CFAP251: variants seen among roughly 807,000 people sequenced by gnomAD.
CFAP251 encodes the protein cilia- and flagella-associated protein 251.
In CFAP251, 93 loss-of-function variants were observed where a neutral mutation model predicts 126.7. The ratio of observed to expected loss-of-function variants is 0.73; its 90% CI spans 0.62 to 0.87. The LOEUF (loss-of-function observed/expected upper bound fraction) is 0.87, where lower values mean the gene tolerates loss of function less well. CFAP251 is among the 40% of genes least tolerant of loss of function. The pLI is 0.00. For missense variants in CFAP251, 1,287 were observed against 1,389.2 expected (o/e 0.93, Z 1.17); for synonymous variants, 503 against 506.9 (o/e 0.99, Z 0.10).
intron 19 of CFAP251, among the ~76,000 whole-genome samples, chr12:121,978,132 C>T (rs886197850): frequency 2.2e-4 from 34 of 151,318 alleles, no homozygotes; most frequent in African/African-American, 8.2e-4. Context: ...GTGGCTCACG[C>T]CTGTAATCCC....
chr12:121,918,777 T>A lies in CFAP251; in HGVS notation c.-21+82T>A, dbSNP rs1043669840. Reference sequence around the variant, plus strand: ...CCGACCTGGCGGGGTCTGGTGCCCCTTGGGGGGCGCTCACCCGACCTGGCC... The same window carrying A: ...CCGACCTGGCGGGGTCTGGTGCCCCATGGGGGGCGCTCACCCGACCTGGCC... On this transcript the variant is annotated intron_variant, in intron 1 of 21. Coordinates refer to ENST00000288912, the MANE Select transcript of CFAP251 (RefSeq NM_144668.6). The surrounding 1 kb of genome is among the most constrained non-coding windows in gnomAD (Gnocchi z 4.3). 1.3e-5 allele frequency: 2 copies of A among 152,296 alleles called. No individual in the cohort carries two copies. The highest frequency in any genetic ancestry group is 2.4e-5 in the African/African-American group (1 of 41,424). The allele number at this position is 152,296 out of a possible 1,614,324, so 9.4% of individuals were successfully genotyped here. A position where few individuals can be genotyped will look rare whatever the true frequency, so the allele number is the denominator to read the frequency against.
chr12:121,921,717 T>C, intron 2 of CFAP251, 34 bp downstream of exon 2: 1 of 1,573,856 alleles, frequency 6.4e-7, no homozygotes, highest in Non-Finnish European at 8.6e-7. Flanking sequence ...CATCAATTCA[T>C]TCAGAATCAT....
At chr12:121,919,419 G>A (rs1207918720) in intron 1 of CFAP251, among the ~76,000 whole-genome samples, 1 of 151,930 alleles carries the variant, frequency 6.6e-6, no homozygotes, top group Non-Finnish European at 1.5e-5. Context: ...CTTTCAAACT[G>A]TTCATTTCTT....
At chr12:121,942,421 C>T (rs553835690) in intron 5 of CFAP251, 113 bp from the exon 6 acceptor site, 5 of 642,282 alleles carry the variant, frequency 7.8e-6, no homozygotes, top group South Asian at 7.7e-5. Context: ...TATGGATAGA[C>T]CACATTTTGT....
At chr12:121,957,359 C>G in intron 11 of CFAP251, 91 bp downstream of exon 11, 1 of 1,263,698 alleles carries the variant, frequency 7.9e-7, no homozygotes, top group South Asian at 1.5e-5. Flanking sequence ...CGTGTTGTTC[C>G]TGGGATATCT....
intron 17 of CFAP251, chr12:121,969,310 C>T (rs1592994468): frequency 1.0e-6 from 1 of 985,440 alleles, no homozygotes; most frequent in South Asian, 4.7e-5. Context: ...TTCCACCCCA[C>T]CTTCACCTGA....
intron 5 of CFAP251, among the ~76,000 whole-genome samples, chr12:121,937,625 T>C (rs1425498855): frequency 6.6e-6 from 1 of 151,978 alleles, no homozygotes; most frequent in African/African-American, 2.4e-5. Context: ...TAGGGCCTGG[T>C]TGGGTAGGTG....
intron 8 of CFAP251, 163 bp from the exon 9 acceptor site, chr12:121,951,317 A>T: frequency 2.2e-6 from 1 of 459,606 alleles, no homozygotes; most frequent in Non-Finnish European, 3.9e-6. Flanking sequence ...CTTTTCTTTC[A>T]GAATGTTTTT....
chr12:121,948,881 C>A, intron 7 of CFAP251, 103 bp from the exon 8 acceptor site: 1 of 643,080 alleles, frequency 1.6e-6, no homozygotes, highest in Non-Finnish European at 2.6e-6. Context: ...GTTTTATATT[C>A]CTACTCATTT....
Position 121,960,698 on chromosome 12 carries a change from T to C in CFAP251, c.2247T>C (p.Phe749=). ...GCAAAAGCATTCGAAGTCTCCTGTT[T>C]GGGGTTTACCTGGACAGCAATGAGC... ...SHRKSIRSLL[F]GVYLDSNEPR... Residue 749 remains phenylalanine, a synonymous_variant, in exon 14 of 22, where the codon TTT becomes TTC. Coordinates refer to ENST00000288912, the MANE Select transcript of CFAP251 (RefSeq NM_144668.6). 6.2e-7 allele frequency: 1 copy of C among 1,614,010 alleles called. No individual in the cohort carries two copies. Among genetic ancestry groups the C allele is most frequent in the Non-Finnish European group, 8.5e-7 (1 of 1,179,930 alleles).
In CFAP251 at chr12:121,969,109, C is replaced by T. The variant is rs1047122185; in HGVS notation, c.2771+940C>T. ...AGGAGCAAAAACAGCTCAGAGGCACCTTCCTTCCTCGGAAAACAAACCTGA... is the reference window on the plus strand; with the variant it reads ...AGGAGCAAAAACAGCTCAGAGGCACTTTCCTTCCTCGGAAAACAAACCTGA... On this transcript the variant is annotated intron_variant, in intron 17 of 21. Transcript: ENST00000288912. 5.1e-6 allele frequency: 5 copies of T among 985,296 alleles called. No individual in the cohort carries two copies. The African/African-American group carries it at 8.7e-5, about 17-fold the overall frequency. The allele number at this position is 985,296 out of a possible 1,614,324, so 61.0% of individuals were successfully genotyped here. A position where few individuals can be genotyped will look rare whatever the true frequency, so the allele number is the denominator to read the frequency against.
In CFAP251 at chr12:121,929,557, G is replaced by A. The variant is rs75300386; in HGVS notation, c.748-2189G>A. Among the ~76,000 whole-genome samples, 194 of 151,944 alleles carry A rather than the reference G, an allele frequency of 1.3e-3. 4 individuals carry two copies. In the East Asian group the frequency reaches 0.035, roughly 28 times the overall value. ...GTGTGTCATGCTTATTATGGGCCTGGACAAATGTATCCTGACATGTACCCA... is the reference window on the plus strand; with the variant it reads ...GTGTGTCATGCTTATTATGGGCCTGAACAAATGTATCCTGACATGTACCCA... On this transcript the variant is annotated intron_variant, in intron 3 of 21. Transcript: ENST00000288912.
intron 3 of CFAP251, among the ~76,000 whole-genome samples, chr12:121,928,630 ATATATACG>A (rs1243003089): frequency 0.02 from 485 of 23,836 alleles, 30 homozygotes; most frequent in African/African-American, 0.15. Flanking sequence ...ATATGTGTAT[ATATATACG>A]TATATATATA....
intron 19 of CFAP251, among the ~76,000 whole-genome samples, chr12:121,991,763 G>A (rs1160152759): frequency 6.6e-6 from 1 of 152,166 alleles, no homozygotes; most frequent in Admixed American, 6.5e-5. Context: ...GGAGGCCGAG[G>A]CAGGCAGATC....
chr12:121,942,055 G>A (rs545733344), intron 5 of CFAP251, among the ~76,000 whole-genome samples: 1 of 152,318 alleles, frequency 6.6e-6, no homozygotes, highest in Non-Finnish European at 1.5e-5. Flanking sequence ...AGGGCAAACA[G>A]CAGGCCCATT....
At chr12:121,979,190 G>A (rs1402488455) in intron 19 of CFAP251, among the ~76,000 whole-genome samples, 2 of 152,152 alleles carry the variant, frequency 1.3e-5, no homozygotes, top group South Asian at 2.1e-4. Context: ...AGTCTTGAAC[G>A]AGGACCTTAA....
At chr12:121,983,566 C>T (rs1457548072) in intron 19 of CFAP251, among the ~76,000 whole-genome samples, 1 of 152,080 alleles carries the variant, frequency 6.6e-6, no homozygotes, top group African/African-American at 2.4e-5. Context: ...AAGTAACAAA[C>T]ATTGACAATT....
At position 121,992,355 on chromosome 12, in the gene CFAP251, T is replaced by TC. The variant is rs984748505; in HGVS notation, c.3007-7361_3007-7360insC. On this transcript the variant is annotated intron_variant, in intron 19 of 21. Coordinates refer to ENST00000288912, the MANE Select transcript of CFAP251 (RefSeq NM_144668.6). ...AGCTGCCAACTCCGTGCTTGTTGAG[T>TC]AGTGATTCTTGATCAGTCATACGGG... 3.0e-6 allele frequency: 3 copies of TC among 985,138 alleles called. No homozygotes were observed. The African/African-American group carries it at 5.2e-5, about 17-fold the overall frequency. The allele number at this position is 985,138 out of a possible 1,614,324, so 61.0% of individuals were successfully genotyped here. A position where few individuals can be genotyped will look rare whatever the true frequency, so the allele number is the denominator to read the frequency against.
At chr12:121,994,741 A>G (rs1347063796) in intron 19 of CFAP251, among the ~76,000 whole-genome samples, 5 of 97,284 alleles carry the variant, frequency 5.1e-5, no homozygotes, top group Admixed American at 4.6e-4. Flanking sequence ...TGCTTTGTTA[A>G]ACAGATGCTT....
Sources: gnomAD v4.1 joint callset for allele counts (sites outside exome capture counted in the v4.1 genomes callset) on GRCh38, gnomAD v4.1.1 for gene constraint, Gnocchi (gnomAD v3.1) non-coding constraint, MANE v1.5 for transcripts, NCBI Gene and HGNC (gene_info 2026-07-23, HGNC 2026-07-21) for gene names.